The following SYNPR variants were observed in gnomAD, a reference collection of about 807,000 sequenced individuals.
The protein encoded by SYNPR is synaptoporin.
In SYNPR, 23 loss-of-function variants were observed where a neutral mutation model predicts 32.9. That is an observed-to-expected ratio of 0.70 (90% confidence interval 0.50 to 0.99). The LOEUF is 0.99. Ranked by LOEUF, SYNPR falls within the 50% of genes least tolerant of loss-of-function variation. The pLI is 0.00. For missense variants in SYNPR, 318 were observed against 349.3 expected (o/e 0.91, Z 0.71); for synonymous variants, 146 against 135.9 (o/e 1.07, Z -0.52).
chr3:63,530,811 A>T (rs188083454), intron 3 of SYNPR, among the ~76,000 whole-genome samples: 2 of 152,300 alleles, frequency 1.3e-5, no homozygotes, highest in African/African-American at 4.8e-5. Context: ...AATAAGTTTT[A>T]TGGGGAGAAA....
chr3:63,502,951 C>A (rs987845382), intron 3 of SYNPR, among the ~76,000 whole-genome samples: 19 of 152,128 alleles, frequency 1.2e-4, no homozygotes, highest in African/African-American at 4.6e-4. Context: ...TGCAGATTTT[C>A]ATGTGGACAT....
chr3:63,206,623 A>G, the SYNPR span, among the ~76,000 whole-genome samples: 1 of 152,194 alleles, frequency 6.6e-6, no homozygotes, highest in Non-Finnish European at 1.5e-5. Flanking sequence ...TCATTCTATT[A>G]ATTTAAATTT....
chr3:63,318,178 C>T (rs1166120534), intron 2 of SYNPR, among the ~76,000 whole-genome samples: 1 of 152,018 alleles, frequency 6.6e-6, no homozygotes. Context: ...TGTCTCACAG[C>T]TTTTAAGATT....
At chr3:63,293,038 T>A (rs1186485805) in intron 2 of SYNPR, among the ~76,000 whole-genome samples, 1 of 152,160 alleles carries the variant, frequency 6.6e-6, no homozygotes, top group African/African-American at 2.4e-5. Flanking sequence ...ATAACATAAT[T>A]GTCTGTTTCA....
intron 4 of SYNPR, among the ~76,000 whole-genome samples, chr3:63,574,820 G>T (rs1046987453): frequency 6.6e-6 from 1 of 152,282 alleles, no homozygotes; most frequent in East Asian, 1.9e-4. Context: ...CAGGGGTAGA[G>T]ATAGATAGAT....
intron 1 of SYNPR, among the ~76,000 whole-genome samples, chr3:63,236,323 T>C (rs2086199858): frequency 6.6e-6 from 1 of 152,100 alleles, no homozygotes; most frequent in Non-Finnish European, 1.5e-5. Context: ...CCTCCCACTA[T>C]ATTTTTTTTG....
At chr3:63,348,748 T>C (rs1575606064) in intron 2 of SYNPR, among the ~76,000 whole-genome samples, 1 of 152,218 alleles carries the variant, frequency 6.6e-6, no homozygotes, top group East Asian at 1.9e-4. Flanking sequence ...CTGCATGTGG[T>C]AATCCAATTT....
At chr3:63,525,755 C>A (rs924037128) in intron 3 of SYNPR, among the ~76,000 whole-genome samples, 13 of 152,294 alleles carry the variant, frequency 8.5e-5, no homozygotes, top group African/African-American at 3.1e-4. Context: ...GACAAGCCTG[C>A]CTGATGGAAG....
At chr3:63,509,848 T>A (rs1701662501) in intron 3 of SYNPR, among the ~76,000 whole-genome samples, 1 of 152,206 alleles carries the variant, frequency 6.6e-6, no homozygotes. Flanking sequence ...TAAGCATTTT[T>A]AAAATGACAT....
chr3:63,501,494 C>CAAAAAA (rs377290258), intron 3 of SYNPR, among the ~76,000 whole-genome samples: 215 of 96,302 alleles, frequency 2.2e-3, no homozygotes, highest in African/African-American at 3.5e-3. Context: ...CTCCCCCAAC[C>CAAAAAA]AAAAAAAAAA....
intron 2 of SYNPR, among the ~76,000 whole-genome samples, chr3:63,386,204 A>G (rs1488591779): frequency 1.3e-5 from 2 of 152,206 alleles, no homozygotes. Flanking sequence ...TATTCTATAG[A>G]AAGGAAATGG....
intron 4 of SYNPR, among the ~76,000 whole-genome samples, chr3:63,561,682 G>T (rs977452014): frequency 4.0e-5 from 6 of 150,912 alleles, no homozygotes; most frequent in Non-Finnish European, 7.3e-5. Flanking sequence ...ACTACTAGAG[G>T]GTTCTGCTTC....
chr3:63,564,688 G>T (rs1030922141), intron 4 of SYNPR, among the ~76,000 whole-genome samples: 1 of 152,150 alleles, frequency 6.6e-6, no homozygotes, highest in East Asian at 1.9e-4. Flanking sequence ...AAATTTTCCC[G>T]GTGTGCTTTC....
intron 3 of SYNPR, among the ~76,000 whole-genome samples, chr3:63,519,968 T>C (rs541709407): frequency 2.0e-5 from 3 of 152,322 alleles, no homozygotes; most frequent in Admixed American, 6.5e-5. Context: ...GTAAGAAACA[T>C]ATATAAACAC....
At chr3:63,554,477 T>C (rs1422999286) in intron 3 of SYNPR, among the ~76,000 whole-genome samples, 2 of 152,204 alleles carry the variant, frequency 1.3e-5, no homozygotes, top group African/African-American at 2.4e-5. Flanking sequence ...GTTCTTTTTC[T>C]ATTGCTTGTT....
At chr3:63,340,505 C>T (rs1211603706) in intron 2 of SYNPR, among the ~76,000 whole-genome samples, 2 of 148,822 alleles carry the variant, frequency 1.3e-5, no homozygotes, top group Non-Finnish European at 3.0e-5. Context: ...CTGCAAGCTC[C>T]GCCTCCCGGG....
At chr3:63,467,351 A>G (rs1263943339) in intron 2 of SYNPR, among the ~76,000 whole-genome samples, 1 of 152,222 alleles carries the variant, frequency 6.6e-6, no homozygotes, top group Non-Finnish European at 1.5e-5. Context: ...TTAATTTACC[A>G]GTTTTTAAAC....
chr3:63,209,805 A>C, the SYNPR span, among the ~76,000 whole-genome samples: 1 of 152,162 alleles, frequency 6.6e-6, no homozygotes, highest in Non-Finnish European at 1.5e-5. Flanking sequence ...CATTCATCAC[A>C]ATTTTAGTCA....
chr3:63,464,563 A>T (rs1387368961), intron 2 of SYNPR, among the ~76,000 whole-genome samples: 1 of 151,928 alleles, frequency 6.6e-6, no homozygotes. Flanking sequence ...TTTCCAACTC[A>T]GCGTAACTTC....
Sources: gnomAD v4.1 joint callset for allele counts (sites outside exome capture counted in the v4.1 genomes callset) on GRCh38, gnomAD v4.1.1 for gene constraint, MANE v1.5 for transcripts, NCBI Gene and HGNC (gene_info 2026-07-23, HGNC 2026-07-21) for gene names.